ABCA10: variants seen among roughly 807,000 people sequenced by gnomAD.
The protein encoded by ABCA10 is ATP binding cassette subfamily A member 10.
ABCA10 carries 169 observed loss-of-function variants against 187.5 expected under a neutral mutation model. The ratio of observed to expected loss-of-function variants is 0.90; its 90% confidence interval spans 0.80 to 1.02. The LOEUF (loss-of-function observed/expected upper bound fraction) is 1.02, where lower values mean the gene tolerates loss of function less well. Among genes scored for constraint, ABCA10 ranks in the 50% least tolerant of loss-of-function variants. The pLI is 0.00. For missense variants in ABCA10, 1,727 were observed against 1,812.4 expected (o/e 0.95, Z 0.86); for synonymous variants, 574 against 601.8 (o/e 0.95, Z 0.68).
In ABCA10 at chr17:69,148,641, A is replaced by G. The variant is rs1162337353; in HGVS notation, c.*186T>C. 1.1e-5 allele frequency: 6 copies of G among 556,384 alleles called. No homozygotes were observed. Among genetic ancestry groups the G allele is most frequent in the African/African-American group, 7.6e-5 (4 of 52,498 alleles). 34.5% of individuals were successfully genotyped at this position (556,384 alleles called of 1,614,324 possible). On this transcript the variant is annotated 3_prime_UTR_variant, in exon 39 of 39. Coordinates refer to ENST00000690296, the MANE Select transcript of ABCA10 (RefSeq NM_001377321.1). ...ATGTCTGATTTTGTTAATTTTGTCT[A>G]CTACTTTTCCCTATATTTCCTTGTT... is the stretch of plus-strand genomic sequence containing the variant.
intron 21 of ABCA10, 103 bp downstream of exon 21, chr17:69,182,572 A>T (rs4968850): frequency 2.2e-6 from 3 of 1,342,518 alleles, no homozygotes; most frequent in Non-Finnish European, 2.9e-6. Context: ...ATATGATGCC[A>T]ATTTAGAAAA....
At chr17:69,187,384 C>A (rs1280415142) in intron 19 of ABCA10, among the ~76,000 whole-genome samples, 1 of 152,150 alleles carries the variant, frequency 6.6e-6, no homozygotes, top group Non-Finnish European at 1.5e-5. Flanking sequence ...ACCCCCTAAA[C>A]CTTTGCTAAT....
Position 69,190,474 on chromosome 17 carries a change from A to G in ABCA10, c.2015T>C (p.Leu672Pro), listed in dbSNP as rs2074451710. 6.4e-7 allele frequency: 1 copy of G among 1,566,158 alleles called. No individual in the cohort carries two copies. The highest frequency in any genetic ancestry group is 1.2e-5 in the South Asian group (1 of 80,786). Residue 672 changes from leucine to proline, a missense_variant, in exon 18 of 39, where the codon CTT (leucine) becomes CCT (proline). Transcript: ENST00000690296. ...PLEKTNKFPD[L>P]YSDLDKCSDQ... ...AGAACACTTATCAAGGTCACTGTAA[A>G]GATCTAAAAAGCCAATAGTAATAAG... is the stretch of plus-strand genomic sequence containing the variant.
chr17:69,148,280 A>G lies in ABCA10; in HGVS notation c.*547T>C, dbSNP rs538950892. ...TATTAACTGCGGTACTTTCTTACAG[A>G]TTATGGCTATCTTCTTCCATATAAC... On this transcript the variant is annotated 3_prime_UTR_variant, in exon 39 of 39. Coordinates refer to ENST00000690296, the MANE Select transcript of ABCA10 (RefSeq NM_001377321.1). The G allele has an allele frequency of 6.6e-6, 1 of 152,562 alleles. No homozygotes were observed. The highest frequency in any genetic ancestry group is 1.9e-4 in the East Asian group (1 of 5,194). 9.5% of individuals were successfully genotyped at this position (152,562 alleles called of 1,614,324 possible). A position where few individuals can be genotyped will look rare whatever the true frequency, so the allele number is the denominator to read the frequency against.
At chr17:69,182,377 A>G in intron 21 of ABCA10, 87 bp from the exon 22 acceptor site, 2 of 1,124,468 alleles carry the variant, frequency 1.8e-6, no homozygotes, top group Non-Finnish European at 2.3e-6. Flanking sequence ...GAGTGGAATT[A>G]GAATGAGAAG....
intron 30 of ABCA10, 30 bp downstream of exon 30, chr17:69,154,989 A>T (rs779948271): frequency 5.8e-5 from 85 of 1,457,814 alleles, no homozygotes; most frequent in Non-Finnish European, 8.0e-5. Flanking sequence ...GGAACATTAT[A>T]ATAATAATAA....
In ABCA10 at chr17:69,222,551, C is replaced by T. The variant is rs768519349; in HGVS notation, c.181G>A (p.Glu61Lys). 6.3e-7 allele frequency: 1 copy of T among 1,580,292 alleles called. No individual in the cohort carries two copies. The highest frequency in any genetic ancestry group is 8.5e-7 in the Non-Finnish European group (1 of 1,171,060). The change falls in exon 4 of 39, where the codon GAG becomes AAG. Residue 61 changes from glutamate (E) to lysine (K), a missense_variant. Coordinates refer to ENST00000690296, the MANE Select transcript of ABCA10 (RefSeq NM_001377321.1). ...TAGTTACCTGTGTATTCAGAGTGCT[C>T]CTTTATAACTGGGATTCTATATCCC... ...NWGYRIPVIK[E>K]HSEYTEHCWA... is the part of the protein sequence containing the mutation.
rs1235800804 is a variant in ABCA10, at chr17:69,175,539, G to A, written c.2770-26C>T. 4 of 1,531,084 alleles carry A rather than the reference G, an allele frequency of 2.6e-6. No homozygotes were observed. In the East Asian group the frequency reaches 9.1e-5, roughly 35 times the overall value. 94.8% of individuals were successfully genotyped at this position (1,531,084 alleles called of 1,614,324 possible). A position where few individuals can be genotyped will look rare whatever the true frequency, so the allele number is the denominator to read the frequency against. ...CTGAAAGATGAAAACACATCAGTAA[G>A]CTGTTGCAATTGTTACAAATTATAC... On this transcript the variant is annotated intron_variant, in intron 22 of 38. Transcript: ENST00000690296.
chr17:69,150,287 A>T, intron 36 of ABCA10: 1 of 423,302 alleles, frequency 2.4e-6, no homozygotes, highest in East Asian at 4.2e-5. Context: ...TCTGAGAAAT[A>T]GCTCTGATTA....
At chr17:69,235,027 C>T (rs2074858053) in intron 1 of ABCA10, 1 of 152,134 alleles carries the variant, frequency 6.6e-6, no homozygotes, top group Non-Finnish European at 1.5e-5. Flanking sequence ...ATGTGACTAT[C>T]ACTGGTTTTC....
chr17:69,211,351 A>ATG lies in ABCA10; in HGVS notation c.1006+3352_1006+3353insCA, dbSNP rs1568070404. 1.2e-3 allele frequency among the ~76,000 whole-genome samples: 24 copies of ATG among 19,580 alleles called. 1 individual carries two copies. The highest frequency in any genetic ancestry group is 4.0e-3 in the African/African-American group (23 of 5,778). 12.8% of individuals were successfully genotyped at this position (19,580 alleles called of 152,430 possible). A position where few individuals can be genotyped will look rare whatever the true frequency, so the allele number is the denominator to read the frequency against. On this transcript the variant is annotated intron_variant, in intron 9 of 38. Transcript: ENST00000690296. ...TATATATATATATATATATATATATATATATATATACACACACACCACATT... is the reference window on the plus strand; with the variant it reads ...TATATATATATATATATATATATATATGTATATATATACACACACACCACATT...
rs80085564 is a variant in ABCA10, at chr17:69,193,526, T to C, written c.1608A>G (p.Leu536=). The C allele has an allele frequency of 3.3e-3, 5,335 of 1,613,680 alleles. 128 individuals are homozygous for C. In the African/African-American group the frequency reaches 0.061, roughly 18 times the overall value. The part of the protein sequence containing the change: ...KKLSGGQKRK[L]TLGIAILGDP... ...CTCCTAAGATGGCAATCCCTAGTGT[T>C]AGTTTTCTCTTCTGCCCACCACTTA... is the stretch of plus-strand genomic sequence containing the variant. Residue 536 remains leucine (L), a synonymous_variant, in exon 14 of 39, where the codon CTA becomes CTG. Coordinates refer to ENST00000690296, the MANE Select transcript of ABCA10 (RefSeq NM_001377321.1).
At chr17:69,185,812 A>C (rs2074417076) in intron 19 of ABCA10, among the ~76,000 whole-genome samples, 169 bp from the exon 20 acceptor site, 1 of 152,196 alleles carries the variant, frequency 6.6e-6, no homozygotes, top group Admixed American at 6.5e-5. Context: ...AGCACAAAAA[A>C]ATTACATACT....
In ABCA10 at chr17:69,203,548, G is replaced by A. The variant is rs147016169; in HGVS notation, c.1007-1880C>T. Among the ~76,000 whole-genome samples, 5 of 152,090 alleles carry A rather than the reference G, an allele frequency of 3.3e-5. No homozygotes were observed. In the East Asian group the frequency reaches 7.7e-4, roughly 24 times the overall value. Reference sequence around the variant, plus strand: ...CAAATTTCTATTTCCTAAGAACCTCGTGAATCTGTTCTCCCCTCTGCATTA... The same window carrying A: ...CAAATTTCTATTTCCTAAGAACCTCATGAATCTGTTCTCCCCTCTGCATTA... On this transcript the variant is annotated intron_variant, in intron 9 of 38. Coordinates refer to ENST00000690296, the MANE Select transcript of ABCA10 (RefSeq NM_001377321.1).
rs761138667 is a variant in ABCA10 at position 69,193,186 on chromosome 17, G to A, written c.1704C>T (p.Ser568=). 6 of 1,614,068 alleles carry A rather than the reference G, an allele frequency of 3.7e-6. No homozygotes were observed. In the Admixed American group the frequency reaches 1.0e-4, roughly 27 times the overall value. Reference sequence around the variant, plus strand: ...GGTCTACTTTATGCTCCTTCAGGAGGCTCCACACTCGGTGTCTTGAAAAGG... The same window carrying A: ...GGTCTACTTTATGCTCCTTCAGGAGACTCCACACTCGGTGTCTTGAAAAGG... The part of the protein sequence containing the change: ...LDPFSRHRVW[S]LLKEHKVDRL... Residue 568 remains serine (S), a synonymous_variant, in exon 15 of 39, where the codon AGC becomes AGT. Coordinates refer to ENST00000690296, the MANE Select transcript of ABCA10 (RefSeq NM_001377321.1).
intron 9 of ABCA10, among the ~76,000 whole-genome samples, chr17:69,210,800 A>G (rs1470252532): frequency 6.9e-6 from 1 of 144,242 alleles, no homozygotes; most frequent in East Asian, 2.0e-4. Flanking sequence ...GTATATATAT[A>G]CAATGGCATA....
At chr17:69,201,697 G>C in intron 9 of ABCA10, 29 bp from the exon 10 acceptor site, 1 of 1,536,590 alleles carries the variant, frequency 6.5e-7, no homozygotes, top group Non-Finnish European at 8.8e-7. Context: ...ATTACATATT[G>C]CATCAATTAT....
chr17:69,159,946 T>C (rs2144761011), intron 27 of ABCA10, among the ~76,000 whole-genome samples: 1 of 152,234 alleles, frequency 6.6e-6, no homozygotes, highest in Admixed American at 6.5e-5. Context: ...GATGTCAATA[T>C]GTAAAAGAAT....
intron 1 of ABCA10, among the ~76,000 whole-genome samples, chr17:69,243,243 A>C (rs2074916902): frequency 6.6e-6 from 1 of 152,240 alleles, no homozygotes; most frequent in Admixed American, 6.5e-5. Flanking sequence ...TTATTTGAGA[A>C]TCTTGCACAC....
Sources: gnomAD v4.1 joint callset for allele counts (sites outside exome capture counted in the v4.1 genomes callset) on GRCh38, gnomAD v4.1.1 for gene constraint, MANE v1.5 for transcripts, NCBI Gene and HGNC (gene_info 2026-07-23, HGNC 2026-07-21) for gene names.